The following DISC1 variants were observed in gnomAD, a reference collection of about 807,000 sequenced individuals.
DISC1 encodes DISC1 scaffold protein, also known as disrupted in schizophrenia 1 protein.
In DISC1, 57 loss-of-function variants were observed where a neutral mutation model predicts 84.5. The observed-to-expected ratio is 0.67, with a 90% CI of 0.55 to 0.84. The LOEUF (loss-of-function observed/expected upper bound fraction) is 0.84. DISC1 is among the 40% of genes least tolerant of loss of function. The probability of loss-of-function intolerance (pLI) is 0.00; values close to 1 mark genes in which losing one functional copy is unlikely to be tolerated. For synonymous variants in DISC1, 411 were observed against 415.2 expected (o/e 0.99, Z 0.12); for missense variants, 1,000 against 1,057.8 (o/e 0.95, Z 0.76).
At chr1:231,847,201 C>T (rs1299078389) in intron 9 of DISC1, among the ~76,000 whole-genome samples, 4 of 152,052 alleles carry the variant, frequency 2.6e-5, no homozygotes, top group East Asian at 1.9e-4. Flanking sequence ...CTTCTCCCTG[C>T]GTCCTCCCTC....
chr1:231,736,706 T>G (rs747359600), intron 3 of DISC1, among the ~76,000 whole-genome samples: 5 of 152,238 alleles, frequency 3.3e-5, no homozygotes, highest in Non-Finnish European at 7.3e-5. Context: ...TATGGTAATG[T>G]GGAATTAGAA....
chr1:231,774,512 C>T (rs2076809552), intron 6 of DISC1: 2 of 345,596 alleles, frequency 5.8e-6, no homozygotes, highest in Non-Finnish European at 1.1e-5. Flanking sequence ...GGGTGATTCT[C>T]AAGAGGTGAT....
intron 12 of DISC1, among the ~76,000 whole-genome samples, chr1:232,036,053 ATC>A (rs752001860): frequency 9.8e-4 from 149 of 152,280 alleles, no homozygotes; most frequent in Non-Finnish European, 9.7e-4. Flanking sequence ...GATGGACTCT[ATC>A]AAGTCTTGAG....
chr1:231,790,201 C>T (rs2078223819), intron 6 of DISC1, among the ~76,000 whole-genome samples: 1 of 152,186 alleles, frequency 6.6e-6, no homozygotes, highest in South Asian at 2.1e-4. Context: ...GGAGTAGCAA[C>T]TCTTTTTACC....
At chr1:231,801,174 C>A (rs138496692) in intron 8 of DISC1, among the ~76,000 whole-genome samples, 1 of 152,122 alleles carries the variant, frequency 6.6e-6, no homozygotes, top group East Asian at 1.9e-4. Context: ...GGTGCAGTCA[C>A]GCGTATTATT....
intron 6 of DISC1, among the ~76,000 whole-genome samples, chr1:231,785,971 G>A (rs1029614161): frequency 6.6e-6 from 1 of 151,926 alleles, no homozygotes; most frequent in Non-Finnish European, 1.5e-5. Context: ...CTGTATATTT[G>A]TCTCTATTTT....
chr1:231,974,516 T>C (rs1029605513), intron 10 of DISC1, among the ~76,000 whole-genome samples: 1 of 152,192 alleles, frequency 6.6e-6, no homozygotes, highest in African/African-American at 2.4e-5. Flanking sequence ...TCTTTTCACA[T>C]AGATTTTAAG....
chr1:231,904,510 C>T (rs1437888486), intron 9 of DISC1, among the ~76,000 whole-genome samples: 3 of 152,046 alleles, frequency 2.0e-5, no homozygotes, highest in African/African-American at 4.8e-5. Flanking sequence ...CTAGAAGGAA[C>T]CCTGTGTTAT....
At chr1:231,733,618 G>A (rs1252558025) in intron 3 of DISC1, among the ~76,000 whole-genome samples, 1 of 149,854 alleles carries the variant, frequency 6.7e-6, no homozygotes, top group Non-Finnish European at 1.5e-5. Flanking sequence ...GATGGTAGGA[G>A]TGGTGGTGGT....
intron 7 of DISC1, 106 bp downstream of exon 7, chr1:231,795,402 TAGACTTTGTCA>T: frequency 2.0e-6 from 2 of 1,023,846 alleles, no homozygotes; most frequent in Admixed American, 2.1e-5. Flanking sequence ...AAAAAAGATG[TAGACTTTGTCA>T]AGCCATTTTG....
intron 9 of DISC1, among the ~76,000 whole-genome samples, chr1:231,937,580 G>A (rs1358451511): frequency 6.6e-6 from 1 of 152,176 alleles, no homozygotes; most frequent in Admixed American, 6.5e-5. Flanking sequence ...CCTGGCCCCC[G>A]GCCAGGGTTA....
chr1:231,775,963 G>A (rs2076934269), intron 6 of DISC1, among the ~76,000 whole-genome samples: 1 of 152,124 alleles, frequency 6.6e-6, no homozygotes, highest in East Asian at 1.9e-4. Flanking sequence ...GGGGACACAG[G>A]GAGGAGGTGA....
At chr1:231,920,254 A>G (rs2089913689) in intron 9 of DISC1, among the ~76,000 whole-genome samples, 1 of 152,252 alleles carries the variant, frequency 6.6e-6, no homozygotes, top group African/African-American at 2.4e-5. Context: ...TAAAATGCAC[A>G]GAATATAAGA....
intron 9 of DISC1, among the ~76,000 whole-genome samples, chr1:231,938,422 G>T (rs555323470): frequency 1.7e-4 from 26 of 152,288 alleles, no homozygotes; most frequent in Admixed American, 7.2e-4. Flanking sequence ...CATGAGGCAG[G>T]GCAAGTGGGC....
chr1:231,866,849 A>C (rs773061069), intron 9 of DISC1: 18 of 703,604 alleles, frequency 2.6e-5, no homozygotes, highest in Non-Finnish European at 2.3e-5. Context: ...GGTTCTCTGA[A>C]CACAAGAGGG....
At chr1:231,972,450 A>T (rs372783479) in intron 10 of DISC1, among the ~76,000 whole-genome samples, 1 of 152,166 alleles carries the variant, frequency 6.6e-6, no homozygotes, top group Admixed American at 6.5e-5. Context: ...TTCGGAATGA[A>T]TATGGCCCCA....
At chr1:232,034,099 A>G (rs561503409) in intron 12 of DISC1, among the ~76,000 whole-genome samples, 1 of 152,278 alleles carries the variant, frequency 6.6e-6, no homozygotes. Context: ...CAGGTTGGTT[A>G]GAGAGAAGTA....
At chr1:231,873,078 G>A (rs759205891) in intron 9 of DISC1, among the ~76,000 whole-genome samples, 4 of 152,208 alleles carry the variant, frequency 2.6e-5, no homozygotes, top group Non-Finnish European at 4.4e-5. Context: ...TGTCCTTTCT[G>A]TGCAGCCCTG....
At chr1:231,880,693 A>G (rs1184070282) in intron 9 of DISC1, among the ~76,000 whole-genome samples, 2 of 152,008 alleles carry the variant, frequency 1.3e-5, no homozygotes, top group Non-Finnish European at 2.9e-5. Flanking sequence ...AGACCCTCCA[A>G]TCCATCTTCC....
Sources: allele counts gnomAD v4.1 joint callset (sites outside exome capture counted in the v4.1 genomes callset), GRCh38; gene constraint gnomAD v4.1.1; transcripts MANE v1.5; gene names NCBI Gene and HGNC (gene_info 2026-07-23, HGNC 2026-07-21).